Variants in ARHGEF7 observed in about 807,000 individuals in gnomAD.
The protein encoded by ARHGEF7 is PAK-interacting exchange factor beta.
ARHGEF7 carries 33 observed loss-of-function variants against 109.8 expected under a neutral mutation model. That is an observed-to-expected ratio of 0.30 (90% CI 0.23 to 0.40). ARHGEF7 has a LOEUF of 0.40. Among genes scored for constraint, ARHGEF7 ranks in the 10% least tolerant of loss-of-function variants. The probability of loss-of-function intolerance (pLI) is 1.00; values close to 1 mark genes in which losing one functional copy is unlikely to be tolerated. For missense variants in ARHGEF7, 938 were observed against 1,098.5 expected (o/e 0.85, Z 2.07); for synonymous variants, 458 against 424.6 (o/e 1.08, Z -0.97).
intron 9 of ARHGEF7, among the ~76,000 whole-genome samples, chr13:111,269,379 A>G (rs2091949005): frequency 1.3e-5 from 2 of 152,244 alleles, no homozygotes; most frequent in Non-Finnish European, 2.9e-5. Context: ...TGACATTGAA[A>G]GTCACTAGGA....
intron 1 of ARHGEF7, chr13:111,153,684 G>T (rs2076045688): frequency 8.7e-6 from 11 of 1,268,476 alleles, no homozygotes; most frequent in South Asian, 7.0e-5. Flanking sequence ...GTGCGGGAAG[G>T]GGCAGAGATT....
chr13:111,273,518 C>T lies in ARHGEF7; in HGVS notation c.1074-296C>T, dbSNP rs564305627. Among the ~76,000 whole-genome samples the T allele has an allele frequency of 6.6e-6, 1 of 152,346 alleles. No homozygotes were observed. Among genetic ancestry groups the T allele is most frequent in the Admixed American group, 6.5e-5 (1 of 15,310 alleles). On this transcript the variant is annotated intron_variant, in intron 9 of 21. Coordinates refer to ENST00000646102, the MANE Select transcript of ARHGEF7 (RefSeq NM_001354046.2). The surrounding 1 kb of genome is among the most constrained non-coding windows in gnomAD (Gnocchi z 4.5). ...GTTTCCATTGGATATGTCTGCATGG[C>T]ACTGATGTGCTGGAGGACCTCGCCA...
intron 2 of ARHGEF7, among the ~76,000 whole-genome samples, chr13:111,183,183 T>C (rs2078930899): frequency 2.0e-5 from 3 of 152,246 alleles, no homozygotes; most frequent in Non-Finnish European, 4.4e-5. Context: ...AGCAGTCACA[T>C]TGCACGCACG....
rs1415076520 is a variant in ARHGEF7, at chr13:111,294,388, T to C, written c.2311+2094T>C. ...TGTAGACCACAACACTCAAACACAG[T>C]TGCTGCACTTGGATTTTCCTTTAAT... is the stretch of plus-strand genomic sequence containing the variant. On this transcript the variant is annotated intron_variant, in intron 19 of 21. Coordinates refer to ENST00000646102, the MANE Select transcript of ARHGEF7 (RefSeq NM_001354046.2). 3 of 985,346 alleles carry C rather than the reference T, an allele frequency of 3.0e-6. No individual in the cohort carries two copies. In the African/African-American group the frequency reaches 5.2e-5, roughly 17 times the overall value. The allele number at this position is 985,346 out of a possible 1,614,324, so 61.0% of individuals were successfully genotyped here.
intron 4 of ARHGEF7, among the ~76,000 whole-genome samples, chr13:111,216,629 C>T (rs1671716237): frequency 6.6e-6 from 1 of 152,036 alleles, no homozygotes; most frequent in African/African-American, 2.4e-5. Flanking sequence ...CTGCTGATGT[C>T]GCTGGTGTTC....
At chr13:111,214,959 G>GT (rs1038987022) in intron 4 of ARHGEF7, among the ~76,000 whole-genome samples, 170 of 147,650 alleles carry the variant, frequency 1.2e-3, no homozygotes, top group Middle Eastern at 3.5e-3. Flanking sequence ...TTTTAAAAAT[G>GT]TTTTTTTTTT....
intron 2 of ARHGEF7, among the ~76,000 whole-genome samples, chr13:111,178,371 C>G (rs752439089): frequency 6.6e-6 from 1 of 152,158 alleles, no homozygotes; most frequent in Non-Finnish European, 1.5e-5. Flanking sequence ...GCATTCTTAT[C>G]CAAAATATGT....
intron 8 of ARHGEF7, among the ~76,000 whole-genome samples, chr13:111,248,557 G>GTCTCTGCTCTGT (rs1363600142): frequency 1.3e-5 from 2 of 152,054 alleles, no homozygotes; most frequent in Non-Finnish European, 2.9e-5. Flanking sequence ...TTCTGACCTG[G>GTCTCTGCTCTGT]TCTCTGCTCT....
At chr13:111,265,542 A>G (rs977919686) in intron 8 of ARHGEF7, 1 of 456,520 alleles carries the variant, frequency 2.2e-6, no homozygotes, top group Non-Finnish European at 4.4e-6. Flanking sequence ...ACACCCAGAG[A>G]CTGCATGGAG....
chr13:111,135,258 G>T (rs1477365947), intron 1 of ARHGEF7, among the ~76,000 whole-genome samples: 2 of 152,062 alleles, frequency 1.3e-5, no homozygotes, highest in African/African-American at 2.4e-5. Context: ...TGTTCTTTTG[G>T]CTTAGGATTG....
At chr13:111,249,725 T>G (rs192467821) in intron 8 of ARHGEF7, among the ~76,000 whole-genome samples, 1 of 152,168 alleles carries the variant, frequency 6.6e-6, no homozygotes, top group East Asian at 1.9e-4. Context: ...TATGTTCTGA[T>G]AGATTTAGGG....
intron 1 of ARHGEF7, among the ~76,000 whole-genome samples, chr13:111,147,690 C>CTTTTTTTTT (rs11463808): frequency 2.4e-5 from 2 of 82,348 alleles, no homozygotes; most frequent in Non-Finnish European, 4.4e-5. Context: ...CAGAGGTCAC[C>CTTTTTTTTT]TTTTTTTTTT....
At chr13:111,162,235 A>C (rs1283249490) in intron 2 of ARHGEF7, among the ~76,000 whole-genome samples, 1 of 152,244 alleles carries the variant, frequency 6.6e-6, no homozygotes, top group East Asian at 1.9e-4. Context: ...GTTATGGATA[A>C]ACATTTTGGC....
intron 19 of ARHGEF7, among the ~76,000 whole-genome samples, chr13:111,296,325 A>G (rs116738828): frequency 4.6e-5 from 7 of 152,212 alleles, no homozygotes; most frequent in African/African-American, 1.7e-4. Flanking sequence ...CATGTGTACC[A>G]GCCTTCTGTG....
intron 8 of ARHGEF7, among the ~76,000 whole-genome samples, chr13:111,251,842 A>T (rs1466468349): frequency 6.6e-6 from 1 of 152,250 alleles, no homozygotes; most frequent in Admixed American, 6.5e-5. Flanking sequence ...AGTGTGGGTC[A>T]CCACCTTCAC....
intron 2 of ARHGEF7, among the ~76,000 whole-genome samples, chr13:111,185,768 G>T (rs546273930): frequency 6.6e-6 from 1 of 152,100 alleles, no homozygotes; most frequent in Non-Finnish European, 1.5e-5. Context: ...GTGTGTGTAC[G>T]TGGTGAGTTG....
At chr13:111,240,756 T>C (rs1023265785) in intron 6 of ARHGEF7, among the ~76,000 whole-genome samples, 2 of 152,186 alleles carry the variant, frequency 1.3e-5, no homozygotes, top group African/African-American at 4.8e-5. Context: ...GTGCCACTTT[T>C]TGGTTTTTCT....
Position 111,280,242 on chromosome 13 carries a change from T to G in ARHGEF7, c.1507-30T>G, listed in dbSNP as rs751134824. The G allele has an allele frequency of 1.9e-6, 3 of 1,587,888 alleles. No individual in the cohort carries two copies. In the Admixed American group the frequency reaches 5.4e-5, roughly 28 times the overall value. ...TTTTTCTAGAAAAGCACTAATTGTTTTTTTTTTTGTGGGGGGGGGTCTTTT... is the reference window on the plus strand; with the variant it reads ...TTTTTCTAGAAAAGCACTAATTGTTGTTTTTTTTGTGGGGGGGGGTCTTTT... On this transcript the variant is annotated intron_variant, in intron 13 of 21. Transcript: ENST00000646102.
At chr13:111,278,573 G>A (rs1258072012) in intron 13 of ARHGEF7, among the ~76,000 whole-genome samples, 1 of 152,166 alleles carries the variant, frequency 6.6e-6, no homozygotes, top group Admixed American at 6.5e-5. Context: ...ACGTGCTTTA[G>A]AATTGGTGAA....
Sources: gnomAD v4.1 joint callset for allele counts (sites outside exome capture counted in the v4.1 genomes callset) on GRCh38, gnomAD v4.1.1 for gene constraint, Gnocchi (gnomAD v3.1) non-coding constraint, MANE v1.5 for transcripts, NCBI Gene and HGNC (gene_info 2026-07-23, HGNC 2026-07-21) for gene names.